MACROD2: variants seen among roughly 807,000 people sequenced by gnomAD.
MACROD2 encodes mono-ADP ribosylhydrolase 2.
MACROD2 carries 36 observed loss-of-function variants against 70.4 expected under a neutral mutation model. That is an observed-to-expected ratio of 0.51 (90% CI 0.39 to 0.68). The LOEUF (loss-of-function observed/expected upper bound fraction) is 0.68. Among genes scored for constraint, MACROD2 ranks in the 30% least tolerant of loss-of-function variants. The pLI, the probability that MACROD2 is intolerant of heterozygous loss-of-function variation, is 0.00. For synonymous variants in MACROD2, 172 were observed against 178.8 expected, an observed-to-expected ratio of 0.96 and a Z score of 0.30; for missense variants, 496 against 538.4, an observed-to-expected ratio of 0.92 and a Z score of 0.78.
intron 5 of MACROD2, among the ~76,000 whole-genome samples, chr20:14,969,402 AT>A (rs1385790460): frequency 2.9e-5 from 4 of 135,896 alleles, no homozygotes; most frequent in African/African-American, 1.3e-4. Flanking sequence ...ACACACACAC[AT>A]ATATAAGCAT....
At chr20:14,006,196 A>G (rs566651961) in intron 2 of MACROD2, among the ~76,000 whole-genome samples, 1 of 152,296 alleles carries the variant, frequency 6.6e-6, no homozygotes, top group South Asian at 2.1e-4. Flanking sequence ...ACTGTGTACC[A>G]TCTAGATTTT....
At chr20:14,862,362 A>T (rs867244360) in intron 5 of MACROD2, among the ~76,000 whole-genome samples, 1 of 16,114 alleles carries the variant, frequency 6.2e-5, no homozygotes, top group African/African-American at 3.3e-4. Context: ...TATATATATA[A>T]ATATATATAA....
At position 15,652,393 on chromosome 20, in the gene MACROD2, T is replaced by C. The variant is rs534139097; in HGVS notation, c.645+152546T>C. Among the ~76,000 whole-genome samples the C allele has an allele frequency of 1.3e-3, 195 of 152,328 alleles. 1 individual carries two copies. Among genetic ancestry groups the C allele is most frequent in the African/African-American group, 4.4e-3 (184 of 41,572 alleles). On this transcript the variant is annotated intron_variant, in intron 8 of 17. Transcript: ENST00000684519. ...TCTTTTCATCTTTCACACTAAGCTT[T>C]TGTATTTTGTTTAGTGTATTTTTTT...
At chr20:15,838,744 T>C (rs575799500) in intron 8 of MACROD2, among the ~76,000 whole-genome samples, 25 of 152,320 alleles carry the variant, frequency 1.6e-4, no homozygotes, top group African/African-American at 6.0e-4. Context: ...CATCATTTTT[T>C]GCATTCAAAG....
intron 5 of MACROD2, among the ~76,000 whole-genome samples, chr20:15,206,721 GTTTTTTTTT>G (rs56752104): frequency 7.0e-4 from 23 of 32,992 alleles, no homozygotes; most frequent in Admixed American, 1.5e-3. Context: ...TATTATCTAT[GTTTTTTTTT>G]TTTTTTTTTT....
intron 3 of MACROD2, among the ~76,000 whole-genome samples, chr20:14,379,609 C>A (rs532633382): frequency 7.2e-5 from 11 of 152,000 alleles, no homozygotes; most frequent in Non-Finnish European, 1.5e-4. Flanking sequence ...CAATAATTCC[C>A]CATTTTTACC....
chr20:14,855,724 TTTAA>T (rs2073249058), intron 5 of MACROD2, among the ~76,000 whole-genome samples: 1 of 151,204 alleles, frequency 6.6e-6, no homozygotes, highest in Non-Finnish European at 1.5e-5. Flanking sequence ...TTTTACAAGC[TTTAA>T]TTTACCCCTG....
chr20:15,924,503 T>G (rs1487008912), intron 10 of MACROD2, among the ~76,000 whole-genome samples: 1 of 152,174 alleles, frequency 6.6e-6, no homozygotes, highest in African/African-American at 2.4e-5. Context: ...GGAAACAACT[T>G]TTTTTTATTT....
At position 13,995,851 on chromosome 20, in the gene MACROD2, T is replaced by TTAGGGTGGGGGC. The variant is rs2052631452; in HGVS notation, c.46+43_46+54dup. 2 of 1,380,566 alleles carry TTAGGGTGGGGGC rather than the reference T, an allele frequency of 1.4e-6. No homozygotes were observed. The highest frequency in any genetic ancestry group is 5.0e-5 in the East Asian group (2 of 39,766). 85.5% of individuals were successfully genotyped at this position (1,380,566 alleles called of 1,614,324 possible). A position where few individuals can be genotyped will look rare whatever the true frequency, so the allele number is the denominator to read the frequency against. On this transcript the variant is annotated intron_variant, in intron 1 of 17. Coordinates refer to ENST00000684519, the MANE Select transcript of MACROD2 (RefSeq NM_001351661.2). The surrounding 1 kb of genome is among the most constrained non-coding windows in gnomAD (Gnocchi z 4.3). ...GTCCTGGGGGTGCGGGCGGTGGGGGTTAGGGTGGGGGCGGGGGTCAGGCTG... is the reference window on the plus strand; with the variant it reads ...GTCCTGGGGGTGCGGGCGGTGGGGGTTAGGGTGGGGGCTAGGGTGGGGGCGGGGGTCAGGCTG...
In MACROD2 at chr20:14,537,894, C is replaced by T. The variant is rs59286602; in HGVS notation, c.301+44386C>T. ...GATGGCAGGAAGGAAACAGGAACCT[C>T]TCAGAAATCCGATGCAGCTCCTTAC... On this transcript the variant is annotated intron_variant, in intron 4 of 17. Transcript: ENST00000684519. 4.7e-3 allele frequency among the ~76,000 whole-genome samples: 719 copies of T among 152,304 alleles called. 13 individuals carry two copies. Among genetic ancestry groups the T allele is most frequent in the African/African-American group, 0.016 (677 of 41,566 alleles).
At chr20:14,317,281 C>T (rs1186140142) in intron 3 of MACROD2, among the ~76,000 whole-genome samples, 1 of 152,056 alleles carries the variant, frequency 6.6e-6, no homozygotes, top group African/African-American at 2.4e-5. Flanking sequence ...TTTCATGGTA[C>T]CTATCATAGT....
At chr20:15,052,613 C>T (rs2075451454) in intron 5 of MACROD2, among the ~76,000 whole-genome samples, 1 of 152,164 alleles carries the variant, frequency 6.6e-6, no homozygotes, top group Non-Finnish European at 1.5e-5. Flanking sequence ...CCGACTGCTC[C>T]ACTGACCTGT....
intron 4 of MACROD2, among the ~76,000 whole-genome samples, chr20:14,672,171 C>G (rs549557083): frequency 2.0e-5 from 3 of 152,294 alleles, no homozygotes; most frequent in South Asian, 4.1e-4. Context: ...TAAAGCTGGA[C>G]AGTTCTTTTT....
At chr20:15,342,122 C>T (rs944365555) in intron 6 of MACROD2, among the ~76,000 whole-genome samples, 4 of 152,048 alleles carry the variant, frequency 2.6e-5, no homozygotes, top group Non-Finnish European at 4.4e-5. Flanking sequence ...GTTTAACATG[C>T]CTTTAACCTA....
rs369691100 is a variant in MACROD2, at chr20:14,838,342, C to T, written c.418+153383C>T. Among the ~76,000 whole-genome samples the T allele has an allele frequency of 9.9e-5, 15 of 152,060 alleles. 1 individual carries two copies. The East Asian group carries it at 2.5e-3, about 25-fold the overall frequency. Reference sequence around the variant, plus strand: ...TATGTTATATTAAAAAATGAGAAAACGTCATTTGTGAAATTTAATAAGGCA... The same window carrying T: ...TATGTTATATTAAAAAATGAGAAAATGTCATTTGTGAAATTTAATAAGGCA... On this transcript the variant is annotated intron_variant, in intron 5 of 17. Transcript: ENST00000684519.
chr20:15,298,719 A>C (rs1440713029), intron 6 of MACROD2, among the ~76,000 whole-genome samples: 1 of 152,094 alleles, frequency 6.6e-6, no homozygotes, highest in Non-Finnish European at 1.5e-5. Flanking sequence ...TCCCTTTAAC[A>C]CTTTATTTTA....
chr20:15,161,045 T>C (rs946826312), intron 5 of MACROD2, among the ~76,000 whole-genome samples: 2 of 152,062 alleles, frequency 1.3e-5, no homozygotes, highest in African/African-American at 4.8e-5. Context: ...TAAGGAGCAG[T>C]AGAAGTTTTT....
intron 6 of MACROD2, among the ~76,000 whole-genome samples, chr20:15,338,449 C>T (rs1219689676): frequency 6.6e-6 from 1 of 151,452 alleles, no homozygotes; most frequent in Non-Finnish European, 1.5e-5. Flanking sequence ...TTCAAAACAA[C>T]CTGGATTTTT....
chr20:15,437,089 G>A (rs1253482076), intron 7 of MACROD2, among the ~76,000 whole-genome samples: 2 of 152,152 alleles, frequency 1.3e-5, no homozygotes, highest in East Asian at 3.9e-4. Context: ...GGAAATTGGT[G>A]TGCTAAGGAT....
Sources: gnomAD v4.1 joint callset for allele counts (sites outside exome capture counted in the v4.1 genomes callset) on GRCh38, gnomAD v4.1.1 for gene constraint, Gnocchi (gnomAD v3.1) non-coding constraint, MANE v1.5 for transcripts, NCBI Gene and HGNC (gene_info 2026-07-23, HGNC 2026-07-21) for gene names.